Variants in G2E3 observed in about 807,000 individuals in gnomAD.
The protein encoded by G2E3 is G2/M phase-specific E3 ubiquitin-protein ligase.
In G2E3, 35 loss-of-function variants were observed where a neutral mutation model predicts 92.8. That is an observed-to-expected ratio of 0.38 (90% CI 0.29 to 0.50). The LOEUF is 0.50. G2E3 is among the 20% of genes least tolerant of loss of function. The probability of loss-of-function intolerance (pLI) is 0.94; values close to 1 mark genes in which losing one functional copy is unlikely to be tolerated. For synonymous variants in G2E3, 242 were observed against 272.4 expected (o/e 0.89, Z 1.10); for missense variants, 554 against 823.8 (o/e 0.67, Z 4.01).
rs1324418408 is a variant in G2E3 at position 30,617,560 on chromosome 14, T to C, written c.*1026T>C. 6.6e-6 allele frequency: 1 copy of C among 152,090 alleles called. No individual in the cohort carries two copies. The highest frequency in any genetic ancestry group is 1.5e-5 in the Non-Finnish European group (1 of 67,952). The allele number at this position is 152,090 out of a possible 1,614,324, so 9.4% of individuals were successfully genotyped here. A position where few individuals can be genotyped will look rare whatever the true frequency, so the allele number is the denominator to read the frequency against. The stretch of plus-strand genomic sequence containing the variant: ...TGTATGCTAAGGTAAGTTGACGCCA[T>C]AGCATTATACAGTTATCTTCATTGC... On this transcript the variant is annotated 3_prime_UTR_variant, in exon 15 of 15. Transcript: ENST00000206595.
chr14:30,598,960 A>G (rs535318887), intron 8 of G2E3, among the ~76,000 whole-genome samples: 1 of 152,308 alleles, frequency 6.6e-6, no homozygotes, highest in South Asian at 2.1e-4. Flanking sequence ...CCATTAACAA[A>G]ATGCCACAGA....
rs1401906661 is a variant in G2E3 at position 30,616,512 on chromosome 14, G to A, written c.2099G>A (p.Ser700Asn). ...RNTLRLEKEE[S>N]SHYIGH ...ACTCTAAGACTAGAAAAGGAAGAAA[G>A]TTCTCATTACATTGGACATTAAAAT... Residue 700 changes from serine to asparagine, a missense_variant, in exon 15 of 15, where the codon AGT (serine) becomes AAT (asparagine). Physicochemically the swap from Ser to Asn is conservative, Grantham distance 46. Coordinates refer to ENST00000206595, the MANE Select transcript of G2E3 (RefSeq NM_017769.5). The A allele has an allele frequency of 2.5e-6, 4 of 1,600,538 alleles. No individual in the cohort carries two copies. The highest frequency in any genetic ancestry group is 2.7e-5 in the African/African-American group (2 of 74,194).
chr14:30,598,691 C>T, intron 8 of G2E3, 92 bp downstream of exon 8: 1 of 850,442 alleles, frequency 1.2e-6, no homozygotes, highest in South Asian at 1.4e-5. Context: ...CGTAGTTTTT[C>T]TCTTAGGATG....
intron 1 of G2E3, among the ~76,000 whole-genome samples, chr14:30,567,187 A>G (rs1319831728): frequency 6.6e-6 from 1 of 152,198 alleles, no homozygotes; most frequent in Non-Finnish European, 1.5e-5. Context: ...TGGTGGCTTC[A>G]TAAAATGAGT....
At chr14:30,594,608 G>A (rs527899952) in intron 6 of G2E3, among the ~76,000 whole-genome samples, 1 of 151,884 alleles carries the variant, frequency 6.6e-6, no homozygotes, top group African/African-American at 2.4e-5. Context: ...CGGGAGAATG[G>A]CATGAACCCG....
chr14:30,576,054 T>C (rs1440628620), intron 1 of G2E3, among the ~76,000 whole-genome samples: 1 of 152,108 alleles, frequency 6.6e-6, no homozygotes, highest in Non-Finnish European at 1.5e-5. Context: ...AGAGCACAAA[T>C]AGCCAAGGCA....
chr14:30,613,509 G>A (rs1253816103), intron 13 of G2E3, among the ~76,000 whole-genome samples: 1 of 151,990 alleles, frequency 6.6e-6, no homozygotes, highest in Non-Finnish European at 1.5e-5. Context: ...ATCACAAGGT[G>A]TTTCAGACTC....
At chr14:30,614,064 T>C (rs549924821) in intron 13 of G2E3, among the ~76,000 whole-genome samples, 5 of 152,122 alleles carry the variant, frequency 3.3e-5, no homozygotes, top group Non-Finnish European at 7.4e-5. Flanking sequence ...ATAAAATGTT[T>C]TATATAGTTC....
At chr14:30,575,408 A>G (rs1275952319) in intron 1 of G2E3, among the ~76,000 whole-genome samples, 1 of 152,190 alleles carries the variant, frequency 6.6e-6, no homozygotes, top group Non-Finnish European at 1.5e-5. Flanking sequence ...TGACAAACCC[A>G]CAGCCAACAT....
Position 30,616,327 on chromosome 14 carries a change from T to C in G2E3, c.1914T>C (p.Gly638=), listed in dbSNP as rs376118044. 5 of 1,608,668 alleles carry C rather than the reference T, an allele frequency of 3.1e-6. No individual in the cohort carries two copies. The highest frequency in any genetic ancestry group is 8.5e-7 in the Non-Finnish European group (1 of 1,175,362). The change falls in exon 15 of 15, where the codon GGT becomes GGC. Residue 638 remains glycine (G), a synonymous_variant. Coordinates refer to ENST00000206595, the MANE Select transcript of G2E3 (RefSeq NM_017769.5). ...TMEDILIFAT[G]CSSIPPAGFK... Reference sequence around the variant, plus strand: ...AAGACATTCTTATTTTTGCAACTGGTTGCAGTTCCATTCCTCCAGCTGGAT... The same window carrying C: ...AAGACATTCTTATTTTTGCAACTGGCTGCAGTTCCATTCCTCCAGCTGGAT...
intron 4 of G2E3, among the ~76,000 whole-genome samples, chr14:30,591,435 A>T (rs1220072725): frequency 6.6e-6 from 1 of 152,198 alleles, no homozygotes; most frequent in Admixed American, 6.6e-5. Context: ...TAGGGCTGCC[A>T]TAGCAAATTG....
At chr14:30,593,711 A>T in intron 6 of G2E3, 72 bp downstream of exon 6, 2 of 1,109,976 alleles carry the variant, frequency 1.8e-6, no homozygotes, top group South Asian at 2.7e-5. Context: ...ATTTTAAATT[A>T]GAAAGAATTG....
chr14:30,560,595 T>C (rs949688549), intron 1 of G2E3: 1 of 558,298 alleles, frequency 1.8e-6, no homozygotes, highest in African/African-American at 1.9e-5. Flanking sequence ...GCTCATTTCA[T>C]ATGTGCTGTC....
chr14:30,592,397 C>G lies in G2E3; in HGVS notation c.312C>G (p.Phe104Leu), dbSNP rs774294614. The G allele has an allele frequency of 6.2e-7, 1 of 1,602,854 alleles. No individual in the cohort carries two copies. Among genetic ancestry groups the G allele is most frequent in the Non-Finnish European group, 8.5e-7 (1 of 1,175,424 alleles). ...CCCGATGTAAACGAAGTTATCATTT[C>G]CCATGTGGACTTCAGAGAGAATGTA... ...VAPRCKRSYH[F>L]PCGLQRECIF... The change falls in exon 5 of 15, where the codon TTC (phenylalanine) becomes TTG (leucine). Residue 104 changes from phenylalanine to leucine, a missense_variant. Transcript: ENST00000206595.
At chr14:30,562,263 A>C (rs1879145012) in intron 1 of G2E3, among the ~76,000 whole-genome samples, 1 of 152,238 alleles carries the variant, frequency 6.6e-6, no homozygotes, top group Non-Finnish European at 1.5e-5. Context: ...TAGTTATACT[A>C]GATATAGATC....
chr14:30,562,472 G>C (rs1879161738), intron 1 of G2E3, among the ~76,000 whole-genome samples: 1 of 152,222 alleles, frequency 6.6e-6, no homozygotes, highest in Non-Finnish European at 1.5e-5. Flanking sequence ...AGGGCCACCA[G>C]AGGGCTCCTT....
chr14:30,584,233 T>C (rs896499973), intron 2 of G2E3, among the ~76,000 whole-genome samples: 7 of 152,258 alleles, frequency 4.6e-5, no homozygotes, highest in African/African-American at 1.7e-4. Flanking sequence ...CTGAATAATA[T>C]TCCATCATAT....
chr14:30,615,647 A>C, intron 14 of G2E3, 108 bp downstream of exon 14: 1 of 567,508 alleles, frequency 1.8e-6, no homozygotes, highest in South Asian at 4.4e-5. Context: ...TAATATTAAG[A>C]TGCTAACTCC....
intron 5 of G2E3, among the ~76,000 whole-genome samples, chr14:30,593,193 G>T (rs1881105429): frequency 6.6e-6 from 1 of 152,076 alleles, no homozygotes; most frequent in African/African-American, 2.4e-5. Flanking sequence ...TGTATATACT[G>T]TATTGCTGAC....
Sources: allele counts gnomAD v4.1 joint callset (sites outside exome capture counted in the v4.1 genomes callset), GRCh38; gene constraint gnomAD v4.1.1; transcripts MANE v1.5; gene names NCBI Gene and HGNC (gene_info 2026-07-23, HGNC 2026-07-21).